GSE1: variants seen among roughly 807,000 people sequenced by gnomAD.
GSE1 encodes the protein genetic suppressor element 1.
GSE1 carries 32 observed loss-of-function variants against 112.6 expected under a neutral mutation model. The observed-to-expected ratio is 0.28, with a 90% CI of 0.21 to 0.38. The LOEUF (loss-of-function observed/expected upper bound fraction) is 0.38, where lower values mean the gene tolerates loss of function less well. GSE1 is among the 10% of genes least tolerant of loss of function. The pLI is 1.00. For missense variants in GSE1, 2,348 were observed against 1,699.2 expected (o/e 1.38, Z -6.71); for synonymous variants, 1,115 against 735.6 (o/e 1.52, Z -8.35).
At chr16:85,404,957 C>G (rs867341009) in intron 2 of GSE1, among the ~76,000 whole-genome samples, 6 of 22,714 alleles carry the variant, frequency 2.6e-4, no homozygotes, top group African/African-American at 1.9e-3. Flanking sequence ...TACTCTCAGG[C>G]CCCCCGGATA....
intron 1 of GSE1, among the ~76,000 whole-genome samples, chr16:85,590,738 G>T (rs920453272): frequency 1.3e-5 from 2 of 152,170 alleles, no homozygotes; most frequent in African/African-American, 4.8e-5. Context: ...TGTGTGGCGG[G>T]CCCTTTGTGG....
chr16:85,535,539 C>G (rs901320693), intron 2 of GSE1, among the ~76,000 whole-genome samples: 1 of 152,168 alleles, frequency 6.6e-6, no homozygotes, highest in African/African-American at 2.4e-5. Context: ...TATCTGGGCC[C>G]GGGAGAGAGG....
At chr16:85,429,211 G>A (rs114037719) in intron 2 of GSE1, among the ~76,000 whole-genome samples, 3 of 152,178 alleles carry the variant, frequency 2.0e-5, no homozygotes, top group Non-Finnish European at 2.9e-5. Flanking sequence ...CACAGCCCCC[G>A]CCCAGGACCT....
At chr16:85,324,640 C>T (rs777984552) in intron 1 of GSE1, among the ~76,000 whole-genome samples, 3 of 151,966 alleles carry the variant, frequency 2.0e-5, no homozygotes, top group Admixed American at 6.6e-5. Context: ...AGTTGATGAG[C>T]GGATAAACAA....
chr16:85,262,603 C>G (rs1907818481), intron 1 of GSE1, among the ~76,000 whole-genome samples: 1 of 152,182 alleles, frequency 6.6e-6, no homozygotes, highest in African/African-American at 2.4e-5. Flanking sequence ...GAGAAGGACG[C>G]AAGGCCAGAA....
At chr16:85,414,841 G>A (rs895166908) in intron 2 of GSE1, among the ~76,000 whole-genome samples, 16 of 152,124 alleles carry the variant, frequency 1.1e-4, no homozygotes, top group Non-Finnish European at 2.1e-4. Context: ...TCACCATGTT[G>A]GCAAGGCTGG....
At chr16:85,463,242 C>T (rs2050026607) in intron 2 of GSE1, 3 of 334,278 alleles carry the variant, frequency 9.0e-6, no homozygotes, top group Admixed American at 6.5e-5. Flanking sequence ...CCAGCCTCGC[C>T]CTCCAGCCCC....
chr16:85,572,190 A>G (rs2046017775), intron 1 of GSE1, among the ~76,000 whole-genome samples: 2 of 147,942 alleles, frequency 1.4e-5, no homozygotes, highest in Non-Finnish European at 3.0e-5. Flanking sequence ...ACCACATACT[A>G]CACACACAAC....
intron 1 of GSE1, among the ~76,000 whole-genome samples, chr16:85,354,645 C>T (rs1317754694): frequency 1.3e-5 from 2 of 152,246 alleles, no homozygotes; most frequent in East Asian, 3.8e-4. Flanking sequence ...TGGGGCATGG[C>T]ACAGCCCTCC....
At chr16:85,338,040 C>A (rs2046542876) in intron 1 of GSE1, among the ~76,000 whole-genome samples, 1 of 152,204 alleles carries the variant, frequency 6.6e-6, no homozygotes, top group African/African-American at 2.4e-5. Context: ...AGAATGAACA[C>A]AGAAGCCACG....
At chr16:85,633,503 C>T (rs1368564961) in intron 1 of GSE1, among the ~76,000 whole-genome samples, 3 of 152,202 alleles carry the variant, frequency 2.0e-5, no homozygotes, top group Admixed American at 1.3e-4. Context: ...TCTCCACCAG[C>T]GTGTTTCTAT....
chr16:85,522,086 C>G (rs1171328946), intron 2 of GSE1, among the ~76,000 whole-genome samples: 1 of 152,336 alleles, frequency 6.6e-6, no homozygotes, highest in South Asian at 2.1e-4. Flanking sequence ...GCAGGCATAT[C>G]TGGGCGGATG....
intron 1 of GSE1, among the ~76,000 whole-genome samples, chr16:85,281,897 C>T (rs2044868411): frequency 6.6e-6 from 1 of 152,190 alleles, no homozygotes; most frequent in African/African-American, 2.4e-5. Context: ...AGCATGCCAG[C>T]ATTATTTTGC....
In GSE1 at chr16:85,419,611, AAAAAAAC is replaced by A. The variant is rs1322924337; in HGVS notation, c.2464+61989_2464+61995del. On this transcript the variant is annotated intron_variant, in intron 2 of 2. Transcript: ENST00000637419. The surrounding 1 kb of genome is among the most constrained non-coding windows in gnomAD (Gnocchi z 6.5). ...ATAGAGCAAGGCTGTGTCTCAAAAA[AAAAAAAC>A]AAAAAACAAAAAACAAAAAATAACA... 5.9e-5 allele frequency among the ~76,000 whole-genome samples: 9 copies of A among 152,048 alleles called. No individual in the cohort carries two copies. Among genetic ancestry groups the A allele is most frequent in the African/African-American group, 9.6e-5 (4 of 41,470 alleles).
intron 1 of GSE1, among the ~76,000 whole-genome samples, chr16:85,184,163 TG>T (rs1216020498): frequency 9.9e-5 from 15 of 152,204 alleles, no homozygotes; most frequent in African/African-American, 3.1e-4. Flanking sequence ...TGGGGAGTTC[TG>T]GGGAACAGGA....
intron 14 of GSE1, among the ~76,000 whole-genome samples, chr16:85,669,841 C>T (rs576694748): frequency 2.6e-5 from 4 of 152,214 alleles, no homozygotes; most frequent in African/African-American, 9.6e-5. Context: ...GTGTGGGGTG[C>T]CCTCTTCCCT....
At chr16:85,174,110 A>G (rs4782689) in intron 1 of GSE1, among the ~76,000 whole-genome samples, 108,101 of 151,964 alleles carry the variant, frequency 0.71, 38,544 homozygotes, top group Middle Eastern at 0.85. Flanking sequence ...AAAGAGGTAG[A>G]ATTTGTTGGA....
At chr16:85,560,187 G>A (rs1598182831) in intron 1 of GSE1, among the ~76,000 whole-genome samples, 1 of 134,408 alleles carries the variant, frequency 7.4e-6, no homozygotes, top group African/African-American at 2.8e-5. Context: ...CCAGGCTCGA[G>A]TGCAATGGCG....
At chr16:85,256,188 G>T (rs1168368091) in intron 1 of GSE1, among the ~76,000 whole-genome samples, 1 of 152,148 alleles carries the variant, frequency 6.6e-6, no homozygotes, top group Non-Finnish European at 1.5e-5. Flanking sequence ...TCCCTCGGCA[G>T]GCAGACTCGG....
Sources: allele counts gnomAD v4.1 joint callset (sites outside exome capture counted in the v4.1 genomes callset), GRCh38; gene constraint gnomAD v4.1.1; non-coding constraint Gnocchi (gnomAD v3.1); transcripts MANE v1.5; gene names NCBI Gene and HGNC (gene_info 2026-07-23, HGNC 2026-07-21).